The following TMX2 variants were observed in gnomAD, a reference collection of about 807,000 sequenced individuals.
TMX2 encodes thioredoxin related transmembrane protein 2.
TMX2 carries 20 observed loss-of-function variants against 33.4 expected under a neutral mutation model. The ratio of observed to expected loss-of-function variants is 0.60; its 90% CI spans 0.42 to 0.87. The LOEUF is 0.87. TMX2 is among the 40% of genes least tolerant of loss of function. The pLI is 0.00. For missense variants in TMX2, 340 were observed against 370.7 expected (o/e 0.92, Z 0.68); for synonymous variants, 166 against 140.7 (o/e 1.18, Z -1.27).
chr11:57,731,118 GTTTTTTGT>G (rs1565227072), intron 1 of TMX2, among the ~76,000 whole-genome samples: 10 of 71,182 alleles, frequency 1.4e-4, no homozygotes, highest in African/African-American at 4.7e-4. Context: ...TCCGTTTTTT[GTTTTTTGT>G]TTTTTTTTTT....
At chr11:57,725,038 CAAA>C (rs1315544225) in intron 1 of TMX2, among the ~76,000 whole-genome samples, 3 of 61,510 alleles carry the variant, frequency 4.9e-5, no homozygotes, top group African/African-American at 5.2e-5. Context: ...GACTGTGTCT[CAAA>C]AAAAAAAAAA....
At chr11:57,720,239 C>A (rs1947524866) in intron 1 of TMX2, among the ~76,000 whole-genome samples, 1 of 150,958 alleles carries the variant, frequency 6.6e-6, no homozygotes, top group Admixed American at 6.6e-5. Context: ...AGGTTTAAAA[C>A]TCTTCTCTCT....
In TMX2 at chr11:57,738,550, C is replaced by G. The variant is rs1948888905; in HGVS notation, c.442-114C>G. ...AATGGATGTCACGGGCACTGTGGTT[C>G]ATTATGAGAGCCGGGGGAGAGGGAA... On this transcript the variant is annotated intron_variant, in intron 4 of 7. Coordinates refer to ENST00000278422, the MANE Select transcript of TMX2 (RefSeq NM_015959.4). 3 of 1,225,998 alleles carry G rather than the reference C, an allele frequency of 2.4e-6. No homozygotes were observed. In the African/African-American group the frequency reaches 4.5e-5, roughly 18 times the overall value. 75.9% of individuals were successfully genotyped at this position (1,225,998 alleles called of 1,614,324 possible).
Position 57,737,597 on chromosome 11 carries a change from T to G in TMX2, c.190-11T>G. 6.2e-7 allele frequency: 1 copy of G among 1,613,184 alleles called. No homozygotes were observed. The highest frequency in any genetic ancestry group is 1.3e-5 in the African/African-American group (1 of 75,032). The stretch of plus-strand genomic sequence containing the variant: ...CTGCATTCCTGTTATAATACTTCGA[T>G]TCTGTTCCAGAGAGAAGTGGAGATC... On this transcript the variant is annotated splice_polypyrimidine_tract_variant and intron_variant, in intron 1 of 7. Transcript: ENST00000278422.
intron 1 of TMX2, among the ~76,000 whole-genome samples, chr11:57,730,099 G>A (rs192477605): frequency 1.4e-5 from 2 of 143,420 alleles, no homozygotes; most frequent in Admixed American, 7.1e-5. Flanking sequence ...GCAAGACTCC[G>A]TTTCCCCCCA....
intron 1 of TMX2, among the ~76,000 whole-genome samples, chr11:57,714,030 C>T (rs980823548): frequency 8.5e-5 from 13 of 152,188 alleles, no homozygotes; most frequent in Admixed American, 3.9e-4. Context: ...AGTAAAGCTG[C>T]TTCCAGTATC....
chr11:57,712,834 G>T (rs1475083230), intron 1 of TMX2, 27 bp downstream of exon 1: 1 of 1,613,064 alleles, frequency 6.2e-7, no homozygotes, highest in African/African-American at 1.3e-5. Context: ...TTAGTACCCC[G>T]CGACCTTGAC....
intron 1 of TMX2, among the ~76,000 whole-genome samples, chr11:57,713,636 A>T (rs969156167): frequency 5.3e-5 from 8 of 152,214 alleles, no homozygotes; most frequent in Non-Finnish European, 1.0e-4. Context: ...AGGGCACATT[A>T]ATAGGAGAAA....
chr11:57,733,907 A>C (rs1948564863), intron 1 of TMX2, among the ~76,000 whole-genome samples: 1 of 152,082 alleles, frequency 6.6e-6, no homozygotes, highest in Non-Finnish European at 1.5e-5. Flanking sequence ...GCGGTGGCTC[A>C]CGCCTGTAAT....
intron 1 of TMX2, among the ~76,000 whole-genome samples, chr11:57,724,659 G>C (rs1209915797): frequency 6.6e-6 from 1 of 151,442 alleles, no homozygotes; most frequent in Non-Finnish European, 1.5e-5. Context: ...AAAACATACA[G>C]GTTAATAGAA....
In TMX2 at chr11:57,737,982, G is replaced by A. The variant is rs1180213286; in HGVS notation, c.320G>A (p.Arg107His). Residue 107 changes from arginine (R) to histidine (H), a missense_variant, in exon 3 of 8, where the codon CGC (arginine) becomes CAC (histidine). This residue lies in a region of TMX2 where 209 missense variants were observed against 241.6 expected (regional missense o/e 0.87). Coordinates refer to ENST00000278422, the MANE Select transcript of TMX2 (RefSeq NM_015959.4). Reference protein sequence around the residue: ...SKVANTILFFRLDIRMGLLYI... With the variant: ...SKVANTILFFHLDIRMGLLYI... ...GTGGCCAACACAATTCTTTTCTTCC[G>A]CTTGGATATTCGCATGGGCCTACTT... The A allele has an allele frequency of 8.7e-6, 14 of 1,613,808 alleles. No individual in the cohort carries two copies. The highest frequency in any genetic ancestry group is 1.1e-5 in the Non-Finnish European group (13 of 1,179,960).
chr11:57,730,337 G>T (rs2135570827), intron 1 of TMX2, among the ~76,000 whole-genome samples: 1 of 145,464 alleles, frequency 6.9e-6, no homozygotes, highest in Non-Finnish European at 1.5e-5. Flanking sequence ...TGAGGCAGGA[G>T]AATCGCTTGA....
At chr11:57,738,248 C>G in intron 3 of TMX2, 106 bp from the exon 4 acceptor site, 2 of 867,884 alleles carry the variant, frequency 2.3e-6, no homozygotes, top group Admixed American at 4.0e-5. Context: ...TACATATATC[C>G]ACAAGTGTGT....
intron 1 of TMX2, among the ~76,000 whole-genome samples, chr11:57,716,889 G>T (rs144031548): frequency 0.056 from 8,436 of 150,464 alleles, 785 homozygotes; most frequent in African/African-American, 0.19. Flanking sequence ...GGGCGGAGAC[G>T]CTCCTCATTT....
chr11:57,719,422 TA>T (rs1187861336), intron 1 of TMX2, among the ~76,000 whole-genome samples: 3 of 150,666 alleles, frequency 2.0e-5, no homozygotes, highest in South Asian at 4.2e-4. Context: ...AAACCCCCTT[TA>T]AAAAAAAATT....
chr11:57,726,504 A>T (rs546483155), intron 1 of TMX2, among the ~76,000 whole-genome samples: 5 of 151,662 alleles, frequency 3.3e-5, no homozygotes, highest in Admixed American at 2.0e-4. Context: ...TAATAATTTT[A>T]AGAAGTAATG....
intron 1 of TMX2, among the ~76,000 whole-genome samples, chr11:57,719,512 G>GTTT (rs1947433125): frequency 2.2e-5 from 2 of 92,610 alleles, no homozygotes; most frequent in South Asian, 3.5e-4. Flanking sequence ...TTTTTTCTTT[G>GTTT]TCTTTTTTTT....
intron 1 of TMX2, among the ~76,000 whole-genome samples, chr11:57,716,742 G>T (rs1388277358): frequency 1.3e-5 from 2 of 148,324 alleles, no homozygotes; most frequent in African/African-American, 5.0e-5. Flanking sequence ...CCCGGACGGG[G>T]TGGCTGGCCA....
intron 3 of TMX2, 66 bp downstream of exon 3, chr11:57,738,092 A>T: frequency 7.7e-7 from 1 of 1,306,886 alleles, no homozygotes; most frequent in Non-Finnish European, 1.1e-6. Flanking sequence ...TTGATTGTGG[A>T]AACCACAGTC....
Sources: allele counts gnomAD v4.1 joint callset (sites outside exome capture counted in the v4.1 genomes callset), GRCh38; gene constraint gnomAD v4.1.1; regional missense constraint gnomAD v4.1.1; transcripts MANE v1.5; gene names NCBI Gene and HGNC (gene_info 2026-07-23, HGNC 2026-07-21).